Variants in NELL1 observed in about 807,000 individuals in gnomAD.
The protein encoded by NELL1 is neural EGFL like 1, also known as protein kinase C-binding protein NELL1.
In NELL1, 76 loss-of-function variants were observed where a neutral mutation model predicts 107.4. That is an observed-to-expected ratio of 0.71 (90% CI 0.59 to 0.86). NELL1 has a LOEUF of 0.86. Among genes scored for constraint, NELL1 ranks in the 40% least tolerant of loss-of-function variants. The pLI is 0.00. For missense variants in NELL1, 1,024 were observed against 1,005.5 expected (o/e 1.02, Z -0.25); for synonymous variants, 353 against 341.2 (o/e 1.03, Z -0.38).
chr11:21,249,559 AT>A (rs549017423), intron 14 of NELL1, among the ~76,000 whole-genome samples: 105 of 152,316 alleles, frequency 6.9e-4, no homozygotes, highest in African/African-American at 1.4e-3. Context: ...TTTAAAAAAA[AT>A]AAAAACAATG....
At chr11:20,728,120 G>A (rs1855550675) in intron 2 of NELL1, among the ~76,000 whole-genome samples, 1 of 152,034 alleles carries the variant, frequency 6.6e-6, no homozygotes, top group East Asian at 1.9e-4. Context: ...AGGAGTGTTT[G>A]TTCACGTCTT....
intron 12 of NELL1, among the ~76,000 whole-genome samples, chr11:21,043,579 C>A (rs903157465): frequency 1.3e-5 from 2 of 152,054 alleles, no homozygotes; most frequent in Non-Finnish European, 2.9e-5. Context: ...GGATTCTAAG[C>A]AGAGATGTAA....
intron 12 of NELL1, among the ~76,000 whole-genome samples, chr11:20,998,446 T>A (rs557905130): frequency 5.9e-4 from 90 of 152,372 alleles, no homozygotes; most frequent in Admixed American, 4.2e-3. Context: ...AGATATATTT[T>A]TGTACTCTTA....
At chr11:20,831,586 G>A (rs1858010595) in intron 3 of NELL1, among the ~76,000 whole-genome samples, 1 of 152,266 alleles carries the variant, frequency 6.6e-6, no homozygotes, top group Non-Finnish European at 1.5e-5. Context: ...TTGGAAGGTG[G>A]GGGGGACCCT....
At chr11:21,273,444 G>C (rs1848784165) in intron 14 of NELL1, among the ~76,000 whole-genome samples, 1 of 152,228 alleles carries the variant, frequency 6.6e-6, no homozygotes, top group Non-Finnish European at 1.5e-5. Flanking sequence ...ATCTGAAAGT[G>C]ACAGGGAGAA....
At chr11:21,111,784 C>T (rs1272121370) in intron 12 of NELL1, among the ~76,000 whole-genome samples, 1 of 152,000 alleles carries the variant, frequency 6.6e-6, no homozygotes, top group Non-Finnish European at 1.5e-5. Context: ...TACAATTGTG[C>T]TATGTGCCCA....
chr11:21,538,477 G>GAGTT (rs768968667), intron 16 of NELL1, among the ~76,000 whole-genome samples: 27 of 152,192 alleles, frequency 1.8e-4, no homozygotes, highest in Non-Finnish European at 2.9e-4. Context: ...GAGCTTATCA[G>GAGTT]AGTTAGTCTC....
At chr11:21,528,522 C>CTCCT (rs1564942818) in intron 15 of NELL1, among the ~76,000 whole-genome samples, 2 of 113,162 alleles carry the variant, frequency 1.8e-5, no homozygotes, top group Non-Finnish European at 3.6e-5. Context: ...CCCCCCCCCC[C>CTCCT]TTTTTTTTTT....
At chr11:21,123,136 C>A (rs1855408776) in intron 13 of NELL1, among the ~76,000 whole-genome samples, 1 of 152,082 alleles carries the variant, frequency 6.6e-6, no homozygotes, top group Admixed American at 6.6e-5. Flanking sequence ...TTATTAAAAA[C>A]CTCAACAGAT....
At chr11:21,404,969 C>A (rs1263830538) in intron 15 of NELL1, among the ~76,000 whole-genome samples, 2 of 152,036 alleles carry the variant, frequency 1.3e-5, no homozygotes. Context: ...AGGTCCTCCA[C>A]TCCCACTTCA....
intron 14 of NELL1, among the ~76,000 whole-genome samples, chr11:21,279,033 T>G (rs1380087283): frequency 6.6e-6 from 1 of 152,154 alleles, no homozygotes; most frequent in East Asian, 1.9e-4. Context: ...GAAGGAAAAT[T>G]GTCATCTCAG....
intron 14 of NELL1, among the ~76,000 whole-genome samples, chr11:21,307,816 C>T (rs1250225844): frequency 6.6e-6 from 1 of 151,972 alleles, no homozygotes; most frequent in Non-Finnish European, 1.5e-5. Context: ...GATTGAGCCA[C>T]AGTTCAATAT....
chr11:21,519,914 C>T (rs1392564829), intron 15 of NELL1, among the ~76,000 whole-genome samples: 1 of 152,142 alleles, frequency 6.6e-6, no homozygotes, highest in Admixed American at 6.6e-5. Flanking sequence ...AGGTATCTTT[C>T]ATACATAGTT....
At chr11:21,001,718 G>A (rs985365415) in intron 12 of NELL1, among the ~76,000 whole-genome samples, 2 of 150,510 alleles carry the variant, frequency 1.3e-5, no homozygotes, top group Admixed American at 6.6e-5. Context: ...ACAAAGTCTT[G>A]GGCAATCAAC....
intron 12 of NELL1, among the ~76,000 whole-genome samples, chr11:21,070,422 G>A (rs992244048): frequency 1.3e-5 from 2 of 152,062 alleles, no homozygotes; most frequent in Non-Finnish European, 1.5e-5. Context: ...TATAAGGTTG[G>A]CTTCTCAGAG....
chr11:20,861,225 CA>C (rs955569309), intron 4 of NELL1, among the ~76,000 whole-genome samples: 2 of 152,066 alleles, frequency 1.3e-5, no homozygotes, highest in African/African-American at 4.8e-5. Context: ...TTCTGTTCTT[CA>C]GATATTTTCT....
At chr11:21,396,237 G>A (rs1851977607) in intron 15 of NELL1, among the ~76,000 whole-genome samples, 2 of 151,538 alleles carry the variant, frequency 1.3e-5, no homozygotes, top group South Asian at 2.1e-4. Context: ...GAGCTTTGAA[G>A]GCAAGCATTT....
intron 14 of NELL1, among the ~76,000 whole-genome samples, chr11:21,337,764 CTT>C (rs1335470262): frequency 7.0e-6 from 1 of 142,214 alleles, no homozygotes; most frequent in Non-Finnish European, 1.5e-5. Flanking sequence ...TTCTTTCTTT[CTT>C]TCTTTCTTTC....
At chr11:20,876,954 T>C (rs912030591) in intron 4 of NELL1, among the ~76,000 whole-genome samples, 4 of 152,176 alleles carry the variant, frequency 2.6e-5, no homozygotes, top group Non-Finnish European at 4.4e-5. Context: ...CTTTTGCTTT[T>C]CTAGTGGGGC....
Sources: allele counts gnomAD v4.1 joint callset (sites outside exome capture counted in the v4.1 genomes callset), GRCh38; gene constraint gnomAD v4.1.1; transcripts MANE v1.5; gene names NCBI Gene and HGNC (gene_info 2026-07-23, HGNC 2026-07-21).